ANKRA2: variants seen among roughly 807,000 people sequenced by gnomAD.
ANKRA2 encodes the protein ankyrin repeat family A protein 2.
Under a neutral mutation model 37.8 loss-of-function variants are expected in ANKRA2, and 33 were observed. That is an observed-to-expected ratio of 0.87 (90% CI 0.66 to 1.17). The LOEUF (loss-of-function observed/expected upper bound fraction) is 1.17. Ranked by LOEUF, ANKRA2 falls within the 50% of genes most tolerant of loss-of-function variation. ANKRA2 has a pLI of 0.00. For missense variants in ANKRA2, 326 were observed against 373.7 expected (o/e 0.87, Z 1.05); for synonymous variants, 126 against 132.3 (o/e 0.95, Z 0.33).
intron 3 of ANKRA2, among the ~76,000 whole-genome samples, chr5:73,558,464 C>T (rs550740260): frequency 1.0e-3 from 152 of 152,154 alleles, no homozygotes; most frequent in Admixed American, 2.0e-3. Context: ...ATTTTTATTT[C>T]GAGATTCTAT....
intron 3 of ANKRA2, 66 bp from the exon 4 acceptor site, chr5:73,557,706 C>A: frequency 1.7e-6 from 2 of 1,161,670 alleles, no homozygotes; most frequent in South Asian, 2.8e-5. Flanking sequence ...TCCCATGGTT[C>A]ATGTTTGTGT....
intron 4 of ANKRA2, 44 bp downstream of exon 4, chr5:73,557,531 A>C: frequency 2.3e-6 from 3 of 1,332,068 alleles, no homozygotes; most frequent in Non-Finnish European, 3.1e-6. Flanking sequence ...CAAATCTAAT[A>C]AATCCTATTG....
At chr5:73,557,661 G>A (rs1372562752) in intron 3 of ANKRA2, 21 bp from the exon 4 acceptor site, 1 of 1,582,960 alleles carries the variant, frequency 6.3e-7, no homozygotes. Flanking sequence ...ATCATAAAAT[G>A]CTTCATGAAT....
rs560377701 is a variant in ANKRA2 at position 73,552,548 on chromosome 5, T to C, written c.*249A>G. ...ACTTGATACAAAGACTGATGATAACTATCTGTACCATAAAAATTTACATGC... is the reference window on the plus strand; with the variant it reads ...ACTTGATACAAAGACTGATGATAACCATCTGTACCATAAAAATTTACATGC... On this transcript the variant is annotated 3_prime_UTR_variant, in exon 9 of 9. Transcript: ENST00000296785. The C allele has an allele frequency of 2.7e-6, 1 of 373,774 alleles. No homozygotes were observed. Among genetic ancestry groups the C allele is most frequent in the South Asian group, 3.8e-5 (1 of 26,176 alleles). The allele number at this position is 373,774 out of a possible 1,614,324, so 23.2% of individuals were successfully genotyped here.
intron 7 of ANKRA2, among the ~76,000 whole-genome samples, chr5:73,553,767 T>G (rs1344603225): frequency 6.9e-6 from 1 of 145,590 alleles, no homozygotes; most frequent in East Asian, 2.0e-4. Flanking sequence ...AATAGTGAAT[T>G]CATTTTCTTT....
chr5:73,562,948 G>A lies in ANKRA2; in HGVS notation c.-67C>T, dbSNP rs1285590018. 4 of 1,384,376 alleles carry A rather than the reference G, an allele frequency of 2.9e-6. No individual in the cohort carries two copies. The highest frequency in any genetic ancestry group is 3.9e-6 in the Non-Finnish European group (4 of 1,025,512). The allele number at this position is 1,384,376 out of a possible 1,614,324, so 85.8% of individuals were successfully genotyped here. On this transcript the variant is annotated 5_prime_UTR_variant, in exon 2 of 9. Transcript: ENST00000296785. ...ATTTCCTCTTGGTTTTGTAAGAGCA[G>A]TATCCAGTGTGTTCTTGGAATCTGG...
chr5:73,561,259 GAGA>G lies in ANKRA2; in HGVS notation c.316_318del (p.Ser106del). The G allele has an allele frequency of 6.2e-7, 1 of 1,613,342 alleles. No individual in the cohort carries two copies. Among genetic ancestry groups the G allele is most frequent in the Non-Finnish European group, 8.5e-7 (1 of 1,179,516 alleles). ...TAGACATGCCTTACTTGAATTCCCGGAGAAGGAGATGTATGGATATTGCATTCA... is the reference window on the plus strand; with the variant it reads ...TAGACATGCCTTACTTGAATTCCCGGAGGAGATGTATGGATATTGCATTCA... On this transcript the variant is annotated inframe_deletion, in exon 3 of 9. Coordinates refer to ENST00000296785, the MANE Select transcript of ANKRA2 (RefSeq NM_023039.5).
chr5:73,555,512 A>G lies in ANKRA2; in HGVS notation c.588T>C (p.Ala196=). 1 of 1,613,728 alleles carries G rather than the reference A, an allele frequency of 6.2e-7. No homozygotes were observed. The stretch of plus-strand genomic sequence containing the variant: ...CATTCTGAAGTAGGAACTCTACCAC[A>G]GCTATTTGCCCGTGTGCTGCAGCCC... ...LMWAAAHGQI[A]VVEFLLQNGA... The change falls in exon 5 of 9, where the codon GCT becomes GCC. Residue 196 remains alanine, a synonymous_variant. Transcript: ENST00000296785.
intron 1 of ANKRA2, among the ~76,000 whole-genome samples, chr5:73,563,647 G>A (rs1209908862): frequency 6.6e-6 from 1 of 152,098 alleles, no homozygotes. Flanking sequence ...AAATAAAGTA[G>A]GTAGATTATG....
intron 6 of ANKRA2, 151 bp downstream of exon 6, chr5:73,554,710 C>T: frequency 1.1e-6 from 1 of 905,544 alleles, no homozygotes; most frequent in Non-Finnish European, 1.6e-6. Context: ...AAGCTATCCT[C>T]CCGCTTCAGC....
chr5:73,552,781 T>G lies in ANKRA2; in HGVS notation c.*16A>C. On this transcript the variant is annotated 3_prime_UTR_variant, in exon 9 of 9. Transcript: ENST00000296785. ...AAGAAGTAAACAAAAGGGCAGACATTTTCTGATGACTGTGTCTACTCCTTG... is the reference window on the plus strand; with the variant it reads ...AAGAAGTAAACAAAAGGGCAGACATGTTCTGATGACTGTGTCTACTCCTTG... The G allele has an allele frequency of 1.9e-6, 3 of 1,590,268 alleles. No individual in the cohort carries two copies. The highest frequency in any genetic ancestry group is 2.2e-5 in the South Asian group (2 of 89,290).
rs1400732665 is a variant in ANKRA2 at position 73,554,985 on chromosome 5, C to T, written c.614G>A (p.Gly205Asp). The T allele has an allele frequency of 6.2e-7, 1 of 1,611,756 alleles. No homozygotes were observed. The highest frequency in any genetic ancestry group is 8.5e-7 in the Non-Finnish European group (1 of 1,179,272). ...IAVVEFLLQN[G>D]ADPQLLGKGR... ...TTTTCCTAAAAGTTGGGGATCAGCA[C>T]CCTGGTATGGGAAGTAGAGATAAAA... Residue 205 changes from glycine to aspartate, a missense_variant and splice_region_variant, in exon 6 of 9, where the codon GGT becomes GAT. Around this residue, in one of 3 missense-constraint regions of ANKRA2, gnomAD observed 228 missense variants for 260.2 expected, o/e 0.88. Transcript: ENST00000296785.
rs1747416697 is a variant in ANKRA2 at position 73,557,097 on chromosome 5, G to A, written c.514+478C>T. Among the ~76,000 whole-genome samples, 3 of 82,294 alleles carry A rather than the reference G, an allele frequency of 3.6e-5. No homozygotes were observed. In the South Asian group the frequency reaches 1.6e-3, roughly 44 times the overall value. 54.0% of individuals were successfully genotyped at this position (82,294 alleles called of 152,430 possible). On this transcript the variant is annotated intron_variant, in intron 4 of 8. Transcript: ENST00000296785. ...AGTTTAAACTTAAAACTTAAGGGGG[G>A]CAGTTAAAAAAAAAAATAACATAGA... is the stretch of plus-strand genomic sequence containing the variant.
intron 1 of ANKRA2, among the ~76,000 whole-genome samples, chr5:73,563,327 T>C (rs1046106984): frequency 2.0e-5 from 3 of 152,278 alleles, no homozygotes; most frequent in African/African-American, 7.2e-5. Flanking sequence ...TTTTAGTTAC[T>C]GTTTCTCCCA....
At chr5:73,557,912 A>G (rs879644765) in intron 3 of ANKRA2, among the ~76,000 whole-genome samples, 2 of 152,178 alleles carry the variant, frequency 1.3e-5, no homozygotes, top group Non-Finnish European at 2.9e-5. Flanking sequence ...CCCTGTCTCT[A>G]CAAAAAATAC....
rs531091267 is a variant in ANKRA2 at position 73,565,531 on chromosome 5, T to A, written c.-504A>T. On this transcript the variant is annotated 5_prime_UTR_variant, in exon 1 of 9. Coordinates refer to ENST00000296785, the MANE Select transcript of ANKRA2 (RefSeq NM_023039.5). ...TTTTTTGTCCCTCTCTCCTTTTTTT[T>A]AATATTTTTGTTTTTGCCGCCTTTA... is the stretch of plus-strand genomic sequence containing the variant. 17 of 233,836 alleles carry A rather than the reference T, an allele frequency of 7.3e-5. No homozygotes were observed. The highest frequency in any genetic ancestry group is 1.8e-3 in the Middle Eastern group (1 of 550). 14.5% of individuals were successfully genotyped at this position (233,836 alleles called of 1,614,324 possible).
Position 73,552,662 on chromosome 5 carries a change from C to T in ANKRA2, c.*135G>A. The T allele has an allele frequency of 1.4e-6, 1 of 708,600 alleles. No individual in the cohort carries two copies. The highest frequency in any genetic ancestry group is 2.8e-5 in the East Asian group (1 of 35,500). The allele number at this position is 708,600 out of a possible 1,614,324, so 43.9% of individuals were successfully genotyped here. On this transcript the variant is annotated 3_prime_UTR_variant, in exon 9 of 9. Coordinates refer to ENST00000296785, the MANE Select transcript of ANKRA2 (RefSeq NM_023039.5). Reference sequence around the variant, plus strand: ...ATTTATTATAAACCAGTGAATTACTCAGAGAAATATTTATTAAAACCTACT... The same window carrying T: ...ATTTATTATAAACCAGTGAATTACTTAGAGAAATATTTATTAAAACCTACT...
intron 4 of ANKRA2, among the ~76,000 whole-genome samples, chr5:73,556,583 T>G (rs963282652): frequency 6.6e-6 from 1 of 152,176 alleles, no homozygotes; most frequent in Non-Finnish European, 1.5e-5. Flanking sequence ...AAATCCTTTC[T>G]AAGCAAGATA....
intron 4 of ANKRA2, 70 bp downstream of exon 4, chr5:73,557,505 T>A: frequency 8.7e-7 from 1 of 1,150,344 alleles, no homozygotes. Flanking sequence ...TTTCTTATAT[T>A]AAAATAAAAC....
Sources: gnomAD v4.1 joint callset for allele counts (sites outside exome capture counted in the v4.1 genomes callset) on GRCh38, gnomAD v4.1.1 for gene constraint, gnomAD v4.1.1 regional missense constraint, MANE v1.5 for transcripts, NCBI Gene and HGNC (gene_info 2026-07-23, HGNC 2026-07-21) for gene names.